CENPM: variants seen among roughly 807,000 people sequenced by gnomAD.
CENPM encodes the protein interphase centromere complex protein 39.
In CENPM, 14 loss-of-function variants were observed where a neutral mutation model predicts 19.6. The observed-to-expected ratio is 0.71, with a 90% CI of 0.47 to 1.11. The LOEUF (loss-of-function observed/expected upper bound fraction) is 1.11. Ranked by LOEUF, CENPM falls within the 50% of genes most tolerant of loss-of-function variation. The probability of loss-of-function intolerance (pLI) is 0.00; values close to 1 mark genes in which losing one functional copy is unlikely to be tolerated. For synonymous variants in CENPM, 114 were observed against 101.5 expected (o/e 1.12, Z -0.74); for missense variants, 239 against 228.4 (o/e 1.05, Z -0.30).
intron 5 of CENPM, among the ~76,000 whole-genome samples, chr22:41,941,519 C>T (rs749065493): frequency 1.3e-5 from 2 of 152,230 alleles, no homozygotes; most frequent in African/African-American, 4.8e-5. Context: ...CACTGTCCCC[C>T]ACCAGCACCT....
At chr22:41,933,840 G>A (rs1362534727), downstream of CENPM, among the ~76,000 whole-genome samples, 4 of 152,212 alleles carry the variant, frequency 2.6e-5, no homozygotes, top group Non-Finnish European at 5.9e-5. Flanking sequence ...TGATGCGTGT[G>A]GGTTGGGGGC....
At chr22:41,941,566 A>T (rs980168008) in intron 5 of CENPM, among the ~76,000 whole-genome samples, 2 of 152,216 alleles carry the variant, frequency 1.3e-5, no homozygotes, top group African/African-American at 4.8e-5. Flanking sequence ...CCCTTTAGAG[A>T]TGCTTCGTGG....
At chr22:41,945,445 T>TC in intron 3 of CENPM, 141 bp from the exon 4 acceptor site, 1 of 1,414,718 alleles carries the variant, frequency 7.1e-7, no homozygotes, top group Admixed American at 2.9e-5. Flanking sequence ...ATTTGTCCTT[T>TC]AATTTTTTTT....
chr22:41,942,291 A>G (rs2077748122), intron 5 of CENPM, among the ~76,000 whole-genome samples: 1 of 152,124 alleles, frequency 6.6e-6, no homozygotes, highest in Non-Finnish European at 1.5e-5. Context: ...CTTTAGCAAA[A>G]AGTCATCAGG....
At chr22:41,929,669 A>C in the CENPM span, among the ~76,000 whole-genome samples, 2 of 152,180 alleles carry the variant, frequency 1.3e-5, no homozygotes, top group African/African-American at 4.8e-5. Context: ...ACACCCACTC[A>C]TGTGACACAA....
intron 5 of CENPM, 49 bp downstream of exon 5, chr22:41,943,561 T>C (rs1324198297): frequency 6.5e-7 from 1 of 1,539,244 alleles, no homozygotes; most frequent in East Asian, 2.3e-5. Flanking sequence ...CTGACCACCC[T>C]TTCCCCGCAC....
downstream of CENPM, among the ~76,000 whole-genome samples, chr22:41,936,741 C>A (rs1415090244): frequency 1.3e-5 from 2 of 152,188 alleles, no homozygotes; most frequent in Non-Finnish European, 2.9e-5. Flanking sequence ...CCAGCCTGGC[C>A]AACATGGCGA....
chr22:41,943,573 C>T (rs1290811253), intron 5 of CENPM, 37 bp downstream of exon 5: 14 of 1,575,536 alleles, frequency 8.9e-6, no homozygotes, highest in South Asian at 3.4e-5. Flanking sequence ...TCCCCGCACC[C>T]GAGTATAGTG....
At chr22:41,940,229 C>T (rs2077727082) in intron 5 of CENPM, 2 of 730,454 alleles carry the variant, frequency 2.7e-6, no homozygotes, top group Admixed American at 3.9e-5. Context: ...TGCCTACTTC[C>T]TTCAGGTCTT....
downstream of CENPM, among the ~76,000 whole-genome samples, chr22:41,936,404 C>T (rs748301525): frequency 7.2e-5 from 11 of 152,324 alleles, no homozygotes; most frequent in South Asian, 2.1e-4. Context: ...GGGCCTCGAC[C>T]GGAATCTACG....
At chr22:41,929,383 G>A in the CENPM span, among the ~76,000 whole-genome samples, 3 of 152,166 alleles carry the variant, frequency 2.0e-5, no homozygotes, top group South Asian at 4.1e-4. Flanking sequence ...TGAGGCTTGT[G>A]GGAACCCAGG....
the CENPM span, among the ~76,000 whole-genome samples, chr22:41,931,388 A>T: frequency 6.6e-6 from 1 of 151,620 alleles, no homozygotes; most frequent in African/African-American, 2.4e-5. Context: ...CTGAGGCAGG[A>T]AGAATTGTTT....
At chr22:41,928,979 G>A in the CENPM span, among the ~76,000 whole-genome samples, 1 of 152,098 alleles carries the variant, frequency 6.6e-6, no homozygotes, top group African/African-American at 2.4e-5. This position sits in a 1 kb window ranked among gnomAD's most constrained non-coding sequence, Gnocchi z 4.0. Flanking sequence ...CTGACTGGTG[G>A]GCGCTGGCCC....
chr22:41,931,875 C>T, the CENPM span, among the ~76,000 whole-genome samples: 1 of 152,214 alleles, frequency 6.6e-6, no homozygotes, highest in African/African-American at 2.4e-5. Context: ...GCCTGGGATG[C>T]ACTCTGTACT....
At chr22:41,943,511 T>C (rs1303070786) in intron 5 of CENPM, 99 bp downstream of exon 5, 2 of 1,034,934 alleles carry the variant, frequency 1.9e-6, no homozygotes, top group Non-Finnish European at 1.4e-6. Flanking sequence ...GCTCGGATAC[T>C]AAGTCCTTCG....
chr22:41,940,634 C>T (rs567878838), intron 5 of CENPM, among the ~76,000 whole-genome samples: 1 of 152,256 alleles, frequency 6.6e-6, no homozygotes, highest in African/African-American at 2.4e-5. Flanking sequence ...GATCCTTCCA[C>T]CTCGGCCTCC....
At chr22:41,930,939 C>A in the CENPM span, among the ~76,000 whole-genome samples, 1 of 151,016 alleles carries the variant, frequency 6.6e-6, no homozygotes, top group Non-Finnish European at 1.5e-5. Context: ...TGGGTTCAAG[C>A]GATTCTCGTG....
chr22:41,946,535 A>C (rs1038795717), intron 1 of CENPM, 39 bp from the exon 2 acceptor site: 14 of 1,568,662 alleles, frequency 8.9e-6, no homozygotes, highest in Non-Finnish European at 4.4e-6. Flanking sequence ...AGCCCTAGGC[A>C]CAGCACCCCC....
chr22:41,943,569 C>T, intron 5 of CENPM, 41 bp downstream of exon 5: 2 of 1,560,608 alleles, frequency 1.3e-6, no homozygotes, highest in South Asian at 2.3e-5. Context: ...CCTTTCCCCG[C>T]ACCCGAGTAT....
Sources: allele counts gnomAD v4.1 joint callset (sites outside exome capture counted in the v4.1 genomes callset), GRCh38; gene constraint gnomAD v4.1.1; non-coding constraint Gnocchi (gnomAD v3.1); transcripts MANE v1.5; gene names NCBI Gene and HGNC (gene_info 2026-07-23, HGNC 2026-07-21).